The following TTC28 variants were observed in gnomAD, a reference collection of about 807,000 sequenced individuals.
TTC28 encodes tetratricopeptide repeat domain 28.
In TTC28, 61 loss-of-function variants were observed where a neutral mutation model predicts 198.0. That is an observed-to-expected ratio of 0.31 (90% CI 0.25 to 0.38). TTC28 has a LOEUF of 0.38. TTC28 is among the 10% of genes least tolerant of loss of function. TTC28 has a pLI of 1.00. For synonymous variants in TTC28, 1,171 were observed against 1,297.8 expected (o/e 0.90, Z 2.10); for missense variants, 2,678 against 3,164.0 (o/e 0.85, Z 3.69).
At chr22:28,034,014 C>A (rs561307610) in intron 12 of TTC28, among the ~76,000 whole-genome samples, 2 of 152,012 alleles carry the variant, frequency 1.3e-5, no homozygotes, top group Admixed American at 6.6e-5. Context: ...GCAGGGGAGA[C>A]AGCAAGAAAA....
chr22:28,035,351 C>T (rs1476071669), intron 12 of TTC28, among the ~76,000 whole-genome samples: 1 of 152,196 alleles, frequency 6.6e-6, no homozygotes, highest in Non-Finnish European at 1.5e-5. Flanking sequence ...CCAGTGGAAA[C>T]AGATCAAAGG....
At chr22:28,091,867 T>C (rs1433825444) in intron 12 of TTC28, among the ~76,000 whole-genome samples, 1 of 152,176 alleles carries the variant, frequency 6.6e-6, no homozygotes, top group African/African-American at 2.4e-5. Flanking sequence ...ATGTCGGGTA[T>C]AATGAGAATG....
At chr22:28,480,912 G>C (rs1055366554) in intron 2 of TTC28, among the ~76,000 whole-genome samples, 41 of 152,050 alleles carry the variant, frequency 2.7e-4, no homozygotes, top group African/African-American at 9.7e-4. Flanking sequence ...CTATTTTTAA[G>C]GGGTTTATTA....
chr22:28,184,990 G>A (rs894278333), intron 5 of TTC28, among the ~76,000 whole-genome samples: 2 of 152,124 alleles, frequency 1.3e-5, no homozygotes, highest in African/African-American at 4.8e-5. Flanking sequence ...GCACTTAGCA[G>A]GTGCTCAGCA....
chr22:28,610,082 C>G (rs2051104365), intron 2 of TTC28, among the ~76,000 whole-genome samples: 1 of 152,194 alleles, frequency 6.6e-6, no homozygotes, highest in Non-Finnish European at 1.5e-5. Flanking sequence ...AAGGCAGCAG[C>G]CCCAGTCAAG....
chr22:28,281,523 A>G (rs1042765401), intron 5 of TTC28, among the ~76,000 whole-genome samples: 1 of 152,172 alleles, frequency 6.6e-6, no homozygotes, highest in Admixed American at 6.5e-5. Context: ...AGTTACAGTA[A>G]CTTTTAAAAC....
intron 2 of TTC28, among the ~76,000 whole-genome samples, chr22:28,542,031 G>A (rs2049423742): frequency 6.6e-6 from 1 of 152,122 alleles, no homozygotes; most frequent in Non-Finnish European, 1.5e-5. Context: ...AGAGGCTGCA[G>A]TGAGCTATAA....
At chr22:28,089,326 A>C (rs868339146) in intron 12 of TTC28, among the ~76,000 whole-genome samples, 2 of 152,146 alleles carry the variant, frequency 1.3e-5, no homozygotes, top group African/African-American at 4.8e-5. Flanking sequence ...ATGGAATACT[A>C]TGCAGCCATA....
Position 27,991,905 on chromosome 22 carries a change from T to A in TTC28, c.5553+682A>T, listed in dbSNP as rs116724725. Among the ~76,000 whole-genome samples the A allele has an allele frequency of 2.2e-3, 333 of 152,358 alleles. 2 individuals are homozygous for A. The highest frequency in any genetic ancestry group is 7.8e-3 in the African/African-American group (324 of 41,588). On this transcript the variant is annotated intron_variant, in intron 19 of 22. Coordinates refer to ENST00000397906, the MANE Select transcript of TTC28 (RefSeq NM_001145418.2). ...CACATCTGCTAAGCAGTGTCTTGCATGAGAGTTGCTCCTGGGTTCACTGCT... is the reference window on the plus strand; with the variant it reads ...CACATCTGCTAAGCAGTGTCTTGCAAGAGAGTTGCTCCTGGGTTCACTGCT...
intron 2 of TTC28, among the ~76,000 whole-genome samples, chr22:28,359,093 C>T (rs751767560): frequency 6.6e-6 from 1 of 152,128 alleles, no homozygotes; most frequent in Non-Finnish European, 1.5e-5. Context: ...TAAGAACATT[C>T]CACTGCGCTA....
At chr22:28,670,170 A>G (rs1279219516) in intron 1 of TTC28, among the ~76,000 whole-genome samples, 1 of 151,798 alleles carries the variant, frequency 6.6e-6, no homozygotes, top group East Asian at 1.9e-4. Flanking sequence ...ATTTTCTGAC[A>G]TTTTTCTACA....
chr22:28,567,075 C>G (rs1274521493), intron 2 of TTC28, among the ~76,000 whole-genome samples: 1 of 151,976 alleles, frequency 6.6e-6, no homozygotes, highest in Non-Finnish European at 1.5e-5. Flanking sequence ...ATTAGCCGGG[C>G]ATGGTGGCGG....
At chr22:28,298,408 G>A (rs184157398) in intron 3 of TTC28, among the ~76,000 whole-genome samples, 5 of 152,106 alleles carry the variant, frequency 3.3e-5, no homozygotes, top group Non-Finnish European at 7.4e-5. Context: ...CTCAGAAAAC[G>A]CATCATGAAC....
intron 2 of TTC28, among the ~76,000 whole-genome samples, chr22:28,610,623 A>T (rs1324058865): frequency 6.6e-6 from 1 of 152,188 alleles, no homozygotes; most frequent in Non-Finnish European, 1.5e-5. Flanking sequence ...AGAAACCAGC[A>T]CAAAAAGGCT....
At chr22:28,311,477 T>C (rs536540361) in intron 2 of TTC28, among the ~76,000 whole-genome samples, 65 of 152,218 alleles carry the variant, frequency 4.3e-4, no homozygotes, top group Non-Finnish European at 8.2e-4. Context: ...ATGTAAACCT[T>C]GGTTTTAAAA....
At chr22:28,218,886 A>T (rs1927620184) in intron 5 of TTC28, among the ~76,000 whole-genome samples, 1 of 152,054 alleles carries the variant, frequency 6.6e-6, no homozygotes, top group Non-Finnish European at 1.5e-5. Context: ...GCCACTGTCC[A>T]GATTCATGTT....
intron 5 of TTC28, among the ~76,000 whole-genome samples, chr22:28,197,838 G>A (rs1302207023): frequency 6.6e-6 from 1 of 151,914 alleles, no homozygotes; most frequent in African/African-American, 2.4e-5. Context: ...AACACAGCAA[G>A]ACCCTGTCTT....
At chr22:28,222,608 T>C (rs997120625) in intron 5 of TTC28, among the ~76,000 whole-genome samples, 1 of 152,242 alleles carries the variant, frequency 6.6e-6, no homozygotes, top group African/African-American at 2.4e-5. Flanking sequence ...AGGCTGGCTA[T>C]TGAGTTCTGC....
At chr22:28,575,493 G>A (rs2050131475) in intron 2 of TTC28, among the ~76,000 whole-genome samples, 1 of 152,028 alleles carries the variant, frequency 6.6e-6, no homozygotes, top group South Asian at 2.1e-4. Flanking sequence ...GCTATTCTGG[G>A]TCTTTTGTGG....
Sources: allele counts gnomAD v4.1 joint callset (sites outside exome capture counted in the v4.1 genomes callset), GRCh38; gene constraint gnomAD v4.1.1; transcripts MANE v1.5; gene names NCBI Gene and HGNC (gene_info 2026-07-23, HGNC 2026-07-21).